Variants in PRSS3 observed in about 807,000 individuals in gnomAD.
PRSS3 encodes the protein trypsin-3.
PRSS3 carries 14 observed loss-of-function variants against 20.8 expected under a neutral mutation model. The ratio of observed to expected loss-of-function variants is 0.67; its 90% CI spans 0.44 to 1.05. The LOEUF is 1.05. PRSS3 is among the 50% of genes least tolerant of loss of function. The pLI, the probability that PRSS3 is intolerant of heterozygous loss-of-function variation, is 0.00. For synonymous variants in PRSS3, 91 were observed against 117.6 expected (o/e 0.77, Z 1.46); for missense variants, 237 against 306.4 (o/e 0.77, Z 1.69).
At chr9:33,789,960 G>A (rs1824561014) in intron 1 of PRSS3, among the ~76,000 whole-genome samples, 1 of 151,994 alleles carries the variant, frequency 6.6e-6, no homozygotes. Flanking sequence ...TAAATGTAGG[G>A]TTTTTTTATA....
chr9:33,771,864 C>CT (rs149325951), intron 1 of PRSS3, among the ~76,000 whole-genome samples: 16,440 of 137,692 alleles, frequency 0.12, 1,303 homozygotes, highest in African/African-American at 0.23. Flanking sequence ...TAGTTTCTTT[C>CT]TTTCTTTTCT....
At chr9:33,771,277 GGAAGGA>G (rs1315861249) in intron 1 of PRSS3, among the ~76,000 whole-genome samples, 3 of 151,852 alleles carry the variant, frequency 2.0e-5, no homozygotes, top group Admixed American at 6.6e-5. Flanking sequence ...ATGGGGCTGG[GGAAGGA>G]GAAGACTGGT....
intron 1 of PRSS3, 99 bp downstream of exon 1, chr9:33,795,712 A>C: frequency 1.4e-6 from 2 of 1,420,260 alleles, no homozygotes; most frequent in Admixed American, 3.5e-5. Context: ...CTGCGCTCTG[A>C]TATTCTATTT....
chr9:33,775,190 G>A (rs140595192), intron 1 of PRSS3, among the ~76,000 whole-genome samples: 3,049 of 152,094 alleles, frequency 0.02, 54 homozygotes, highest in South Asian at 0.065. Flanking sequence ...ATTTATTCTT[G>A]AAAAACTACT....
chr9:33,776,425 G>C (rs566663578), intron 1 of PRSS3, among the ~76,000 whole-genome samples: 15 of 152,116 alleles, frequency 9.9e-5, no homozygotes, highest in Non-Finnish European at 2.1e-4. Flanking sequence ...TTAAAAAACA[G>C]AAAGAGAACC....
intron 1 of PRSS3, among the ~76,000 whole-genome samples, chr9:33,756,263 A>G (rs1238834450): frequency 6.6e-6 from 1 of 152,216 alleles, no homozygotes; most frequent in Non-Finnish European, 1.5e-5. Context: ...TGAGAAGCTG[A>G]TGCCATTCTA....
chr9:33,762,594 G>A (rs758731428), intron 1 of PRSS3, among the ~76,000 whole-genome samples: 11 of 152,274 alleles, frequency 7.2e-5, no homozygotes, highest in Middle Eastern at 6.8e-3. Flanking sequence ...CTGAGAGTTC[G>A]TGCCGGCAAG....
chr9:33,766,661 G>A (rs1247526220), intron 1 of PRSS3, among the ~76,000 whole-genome samples: 1 of 152,112 alleles, frequency 6.6e-6, no homozygotes, highest in East Asian at 1.9e-4. Context: ...ATTATGCTGA[G>A]GGAAAGAGGC....
At chr9:33,767,816 C>T (rs559046512) in intron 1 of PRSS3, among the ~76,000 whole-genome samples, 2 of 151,270 alleles carry the variant, frequency 1.3e-5, no homozygotes, top group Admixed American at 6.6e-5. Flanking sequence ...CAAGAGCGAA[C>T]CTCTGTCTGA....
At chr9:33,782,214 C>T (rs1824214302) in intron 1 of PRSS3, among the ~76,000 whole-genome samples, 2 of 152,324 alleles carry the variant, frequency 1.3e-5, no homozygotes, top group South Asian at 4.1e-4. Context: ...CTGCACTAAT[C>T]CAACTAACCC....
intron 1 of PRSS3, among the ~76,000 whole-genome samples, chr9:33,757,915 G>T (rs1823026252): frequency 6.6e-6 from 1 of 152,136 alleles, no homozygotes; most frequent in South Asian, 2.1e-4. Context: ...AAACTTGAAA[G>T]ATATCTAACT....
rs771003661 is a variant in PRSS3 at position 33,798,544 on chromosome 9, T to C, written c.513T>C (p.Cys171=). The C allele has an allele frequency of 1.2e-6, 2 of 1,614,096 alleles. No homozygotes were observed. The highest frequency in any genetic ancestry group is 2.2e-5 in the South Asian group (2 of 91,074). The change falls in exon 4 of 5, where the codon TGT becomes TGC. Residue 171 remains cysteine, a synonymous_variant. Transcript: ENST00000379405. ...LDAPVLTQAE[C]KASYPGKITN... The stretch of plus-strand genomic sequence containing the variant: ...CTCCGGTGCTGACCCAGGCTGAGTG[T>C]AAAGCCTCCTACCCTGGAAAGATTA...
At chr9:33,785,160 A>ATTTTTTTTTTTTTTTTTTTTTT (rs74180504) in intron 1 of PRSS3, among the ~76,000 whole-genome samples, 8 of 72,506 alleles carry the variant, frequency 1.1e-4, no homozygotes, top group Admixed American at 3.5e-4. Context: ...ATTGTGGTCA[A>ATTTTTTTTTTTTTTTTTTTTTT]TTTTTTTTTT....
intron 1 of PRSS3, among the ~76,000 whole-genome samples, chr9:33,769,796 G>C (rs1823602205): frequency 6.6e-6 from 1 of 152,196 alleles, no homozygotes; most frequent in South Asian, 2.1e-4. Flanking sequence ...GAGGAATCAG[G>C]GTGATGGCCC....
At chr9:33,794,628 C>G (rs763622045), upstream of PRSS3, 7 of 1,251,866 alleles carry the variant, frequency 5.6e-6, no homozygotes, top group Non-Finnish European at 7.5e-6. Context: ...ATTCTCAGAT[C>G]AGATGGTAAC....
intron 1 of PRSS3, chr9:33,786,740 A>G (rs1824427422): frequency 1.3e-6 from 1 of 766,200 alleles, no homozygotes; most frequent in East Asian, 2.4e-5. Context: ...CAAGTTTCCC[A>G]TCAGCCGCCC....
chr9:33,796,507 G>A (rs780460238), intron 1 of PRSS3, 136 bp from the exon 2 acceptor site: 8 of 1,318,810 alleles, frequency 6.1e-6, no homozygotes, highest in South Asian at 1.3e-5. Flanking sequence ...CTCACCAGGG[G>A]TGGCAGCGCT....
chr9:33,785,160 A>ATTTTTTTTTTTTTTTTTTTTTTTT (rs74180504), intron 1 of PRSS3, among the ~76,000 whole-genome samples: 3 of 72,508 alleles, frequency 4.1e-5, no homozygotes, highest in South Asian at 7.2e-4. Flanking sequence ...ATTGTGGTCA[A>ATTTTTTTTTTTTTTTTTTTTTTTT]TTTTTTTTTT....
At chr9:33,751,485 G>A (rs1452029448) in intron 1 of PRSS3, among the ~76,000 whole-genome samples, 1 of 152,182 alleles carries the variant, frequency 6.6e-6, no homozygotes, top group South Asian at 2.1e-4. Flanking sequence ...AAAGATGTGA[G>A]TTTCAGCCAG....
Sources: allele counts gnomAD v4.1 joint callset (sites outside exome capture counted in the v4.1 genomes callset), GRCh38; gene constraint gnomAD v4.1.1; transcripts MANE v1.5; gene names NCBI Gene and HGNC (gene_info 2026-07-23, HGNC 2026-07-21).